The following TTI1 variants were observed in gnomAD, a reference collection of about 807,000 sequenced individuals.
TTI1 encodes TELO2 interacting protein 1.
In TTI1, 52 loss-of-function variants were observed where a neutral mutation model predicts 85.4. The ratio of observed to expected loss-of-function variants is 0.61; its 90% CI spans 0.49 to 0.77. The LOEUF (loss-of-function observed/expected upper bound fraction) is 0.77, where lower values mean the gene tolerates loss of function less well. Ranked by LOEUF, TTI1 falls within the 30% of genes least tolerant of loss-of-function variation. TTI1 has a pLI of 0.00. For synonymous variants in TTI1, 512 were observed against 503.9 expected (o/e 1.02, Z -0.22); for missense variants, 1,173 against 1,296.0 (o/e 0.91, Z 1.46).
At chr20:37,987,300 C>T (rs1242717715) in intron 7 of TTI1, 1 of 456,542 alleles carries the variant, frequency 2.2e-6, no homozygotes, top group Non-Finnish European at 4.4e-6. Context: ...TTTGCATAAG[C>T]CAAAGCCAGA....
Position 38,031,467 on chromosome 20 carries a change from A to T in TTI1, c.-42+1937T>A, listed in dbSNP as rs555246950. 2.0e-5 allele frequency among the ~76,000 whole-genome samples: 3 copies of T among 152,304 alleles called. No individual in the cohort carries two copies. In the East Asian group the frequency reaches 5.8e-4, roughly 29 times the overall value. ...TTGTCTCTCAAATGACATCTTATCA[A>T]TGAGGCCTTCTCTGAGAAGCATAAG... On this transcript the variant is annotated intron_variant, in intron 1 of 7. Coordinates refer to ENST00000373447, the MANE Select transcript of TTI1 (RefSeq NM_001303457.2).
Position 38,011,865 on chromosome 20 carries a change from G to A in TTI1, c.1952C>T (p.Ser651Leu), listed in dbSNP as rs775280444. ...CTTCTCCAGTACTGGATAAAGGGCT[G>A]ACATCAAGAGCAAACAGAAGTCTTT... ...LGKDFCLLLM[S>L]ALYPVLEKAG... Residue 651 changes from serine to leucine, a missense_variant, in exon 2 of 8, where the codon TCA becomes TTA. Transcript: ENST00000373447. 1 of 1,614,236 alleles carries A rather than the reference G, an allele frequency of 6.2e-7. No homozygotes were observed. The highest frequency in any genetic ancestry group is 8.5e-7 in the Non-Finnish European group (1 of 1,180,040).
chr20:38,032,562 G>A (rs890302303), intron 1 of TTI1, among the ~76,000 whole-genome samples: 5 of 152,128 alleles, frequency 3.3e-5, no homozygotes, highest in African/African-American at 1.2e-4. Context: ...AAAAAAATAG[G>A]GTCAAGGTTT....
chr20:38,028,003 A>C (rs1002548790), intron 1 of TTI1, among the ~76,000 whole-genome samples: 4 of 152,198 alleles, frequency 2.6e-5, no homozygotes, highest in Admixed American at 6.5e-5. Flanking sequence ...GTCTGTCTTC[A>C]TCTTTGTCTT....
At position 37,996,907 on chromosome 20, in the gene TTI1, C is replaced by A. The variant is rs572474788; in HGVS notation, c.2840G>T (p.Arg947Leu). ...GSKCGDFLRS[R>L]FCKDVLPKLA... is the part of the protein sequence containing the mutation. ...CTTTGGCAGGACATCTTTGCAGAAC[C>A]GGCTGCGAAGAAAGTCACCACACTT... Residue 947 changes from arginine (R) to leucine (L), a missense_variant, in exon 6 of 8, where the codon CGG becomes CTG. Coordinates refer to ENST00000373447, the MANE Select transcript of TTI1 (RefSeq NM_001303457.2). The A allele has an allele frequency of 4.3e-6, 7 of 1,614,010 alleles. No individual in the cohort carries two copies. The highest frequency in any genetic ancestry group is 5.9e-6 in the Non-Finnish European group (7 of 1,180,046).
intron 1 of TTI1, among the ~76,000 whole-genome samples, chr20:38,030,297 T>C (rs1254723810): frequency 2.0e-5 from 3 of 151,934 alleles, no homozygotes; most frequent in Admixed American, 1.3e-4. Context: ...CAAACCAAGA[T>C]GGTTTCATTG....
At chr20:38,021,241 A>T (rs143546907) in intron 1 of TTI1, among the ~76,000 whole-genome samples, 2 of 152,004 alleles carry the variant, frequency 1.3e-5, no homozygotes, top group Non-Finnish European at 2.9e-5. Flanking sequence ...GGAAGACAGC[A>T]TAACACATTG....
chr20:38,013,923 C>T, intron 1 of TTI1, 66 bp from the exon 2 acceptor site: 1 of 1,472,506 alleles, frequency 6.8e-7, no homozygotes, highest in Non-Finnish European at 9.0e-7. Flanking sequence ...AACTTGCATT[C>T]ATTCATTCAA....
intron 1 of TTI1, among the ~76,000 whole-genome samples, chr20:38,030,528 A>AACACACACAGACACACAC (rs2073892970): frequency 6.9e-6 from 1 of 144,840 alleles, no homozygotes; most frequent in African/African-American, 2.6e-5. Context: ...CAGTATGTAA[A>AACACACACAGACACACAC]ACACACACAC....
Position 38,006,296 on chromosome 20 carries a change from T to G in TTI1, c.2404A>C (p.Ser802Arg), listed in dbSNP as rs747433972. 7 of 1,614,108 alleles carry G rather than the reference T, an allele frequency of 4.3e-6. No homozygotes were observed. In the African/African-American group the frequency reaches 6.7e-5, roughly 15 times the overall value. The change falls in exon 3 of 8, where the codon AGC becomes CGC. Residue 802 changes from serine (S) to arginine (R), a missense_variant. Transcript: ENST00000373447. The part of the protein sequence containing the change: ...LNQRPAALEK[S>R]TTTAEDIEQF... ...TCGATGTCTTCAGCTGTGGTGGTGC[T>G]CTTCTCAAGAGCTGCTGGTCTTTGG...
At chr20:37,995,858 A>ATTCCTATTAGAACCTATGAATGG (rs1329945689) in intron 7 of TTI1, among the ~76,000 whole-genome samples, 2 of 152,224 alleles carry the variant, frequency 1.3e-5, no homozygotes, top group African/African-American at 4.8e-5. Context: ...CGGGTCACAG[A>ATTCCTATTAGAACCTATGAATGG]TTCCTATTAG....
chr20:38,025,482 T>C (rs918001838), intron 1 of TTI1, among the ~76,000 whole-genome samples: 10 of 151,602 alleles, frequency 6.6e-5, no homozygotes, highest in Non-Finnish European at 1.5e-4. Context: ...GGCAGGAGAA[T>C]CACTTGAACC....
chr20:37,998,357 C>T (rs2073373165), intron 5 of TTI1, among the ~76,000 whole-genome samples: 1 of 152,094 alleles, frequency 6.6e-6, no homozygotes, highest in Admixed American at 6.5e-5. Context: ...GAAGAATTTA[C>T]AGAAGATCAA....
intron 3 of TTI1, 187 bp downstream of exon 3, chr20:38,006,010 G>A (rs2073492326): frequency 5.7e-6 from 4 of 695,822 alleles, no homozygotes; most frequent in South Asian, 1.9e-5. Context: ...CTGCAACCAC[G>A]GAAAAACAGT....
chr20:37,991,996 G>A (rs1052829090), intron 7 of TTI1, among the ~76,000 whole-genome samples: 40 of 152,286 alleles, frequency 2.6e-4, no homozygotes, highest in African/African-American at 6.7e-4. Flanking sequence ...TCTGAACCTC[G>A]GTTTGTCCAA....
intron 2 of TTI1, among the ~76,000 whole-genome samples, chr20:38,009,693 A>G (rs1395465914): frequency 2.6e-5 from 4 of 152,012 alleles, no homozygotes; most frequent in Non-Finnish European, 5.9e-5. Context: ...AGTAGAGACG[A>G]GGCCATACTA....
intron 4 of TTI1, among the ~76,000 whole-genome samples, chr20:38,001,853 G>A (rs1048541705): frequency 1.3e-5 from 2 of 152,112 alleles, no homozygotes; most frequent in African/African-American, 2.4e-5. Context: ...CAAGTAGCCG[G>A]GATAACAGGC....
At position 38,007,663 on chromosome 20, in the gene TTI1, G is replaced by T. The variant is rs531676756; in HGVS notation, c.2303-1266C>A. ...GTCCAGTGCCCTCCTTTTGCAGACA[G>T]CTGGGAAAAAAACTCTGATAACCTT... On this transcript the variant is annotated intron_variant, in intron 2 of 7. Transcript: ENST00000373447. Among the ~76,000 whole-genome samples, 25 of 152,342 alleles carry T rather than the reference G, an allele frequency of 1.6e-4. 1 individual carries two copies. In the South Asian group the frequency reaches 4.8e-3, roughly 29 times the overall value.
intron 2 of TTI1, among the ~76,000 whole-genome samples, chr20:38,008,206 T>G (rs1369047849): frequency 1.3e-5 from 2 of 152,210 alleles, no homozygotes; most frequent in Non-Finnish European, 1.5e-5. Flanking sequence ...TACAACCTCT[T>G]AGAGAGCAAT....
Sources: gnomAD v4.1 joint callset for allele counts (sites outside exome capture counted in the v4.1 genomes callset) on GRCh38, gnomAD v4.1.1 for gene constraint, MANE v1.5 for transcripts, NCBI Gene and HGNC (gene_info 2026-07-23, HGNC 2026-07-21) for gene names.